Variants in CHRNB4 observed in about 807,000 individuals in gnomAD.
The protein encoded by CHRNB4 is neuronal acetylcholine receptor subunit beta-4.
CHRNB4 carries 23 observed loss-of-function variants against 40.4 expected under a neutral mutation model. That is an observed-to-expected ratio of 0.57 (90% CI 0.41 to 0.81). The LOEUF is 0.81. Ranked by LOEUF, CHRNB4 falls within the 30% of genes least tolerant of loss-of-function variation. The pLI is 0.00. For missense variants in CHRNB4, 568 were observed against 670.6 expected (o/e 0.85, Z 1.69); for synonymous variants, 285 against 274.4 (o/e 1.04, Z -0.38).
At chr15:78,643,601 G>T (rs1403597068), upstream of CHRNB4, among the ~76,000 whole-genome samples, 2 of 152,062 alleles carry the variant, frequency 1.3e-5, no homozygotes, top group Non-Finnish European at 2.9e-5. Flanking sequence ...ATTATGAGAT[G>T]CCCAACATCA....
At chr15:78,634,308 G>GGCAGCAGCTGCACC (rs1435467375) in intron 2 of CHRNB4, among the ~76,000 whole-genome samples, 1 of 152,184 alleles carries the variant, frequency 6.6e-6, no homozygotes, top group African/African-American at 2.4e-5. Flanking sequence ...CCCTCACTAG[G>GGCAGCAGCTGCACC]GCAGCAGCTG....
At chr15:78,644,936 T>G (rs1391201815), upstream of CHRNB4, among the ~76,000 whole-genome samples, 1 of 152,168 alleles carries the variant, frequency 6.6e-6, no homozygotes, top group Non-Finnish European at 1.5e-5. Context: ...CTCAGTGTAT[T>G]CATCATGCCT....
chr15:78,661,431 G>C, upstream of CHRNB4: 2 of 516,972 alleles, frequency 3.9e-6, no homozygotes, highest in Non-Finnish European at 7.5e-6. Context: ...GCAACAGAGT[G>C]ACCGGTTGGT....
intron 6 of CHRNB4, among the ~76,000 whole-genome samples, chr15:78,651,398 C>T (rs2054170379): frequency 6.6e-6 from 1 of 152,192 alleles, no homozygotes; most frequent in Admixed American, 6.5e-5. Flanking sequence ...GCTCTTCTCC[C>T]CGACTGCTGA....
intron 5 of CHRNB4, among the ~76,000 whole-genome samples, chr15:78,655,371 A>C (rs2141411402): frequency 6.6e-6 from 1 of 150,550 alleles, no homozygotes; most frequent in Admixed American, 6.6e-5. Flanking sequence ...GCACACCACC[A>C]CACCTGGCTA....
chr15:78,628,065 C>T (rs1307602145), intron 5 of CHRNB4: 1 of 152,116 alleles, frequency 6.6e-6, no homozygotes. Flanking sequence ...ACTTGGGAGG[C>T]TGAGGCAGAA....
Position 78,635,496 on chromosome 15 carries a change from G to A in CHRNB4, c.147C>T (p.Ser49=). ...RYNNLIRPAT[S]SSQLISIKLQ... ...GCTTGATGGAGATGAGCTGTGAGGA[G>A]CTGGTGGCTGGGCGGATCAGGTTAT... is the stretch of plus-strand genomic sequence containing the variant. The change falls in exon 2 of 6, where the codon AGC becomes AGT. Residue 49 remains serine (S), a synonymous_variant. Coordinates refer to ENST00000261751, the MANE Select transcript of CHRNB4 (RefSeq NM_000750.5). 1 of 1,614,216 alleles carries A rather than the reference G, an allele frequency of 6.2e-7. No homozygotes were observed. Among genetic ancestry groups the A allele is most frequent in the African/African-American group, 1.3e-5 (1 of 75,064 alleles).
chr15:78,661,055 C>T (rs16969996), upstream of CHRNB4: 1,556 of 589,986 alleles, frequency 2.6e-3, 52 homozygotes, highest in East Asian at 0.058. Context: ...TTTTTGTAGT[C>T]TCGGCTGGCC....
At chr15:78,638,842 G>A (rs1215215571) in intron 1 of CHRNB4, among the ~76,000 whole-genome samples, 1 of 152,232 alleles carries the variant, frequency 6.6e-6, no homozygotes, top group East Asian at 1.9e-4. Context: ...CCCAGGATGG[G>A]TGGAAGCTTC....
intron 1 of CHRNB4, among the ~76,000 whole-genome samples, chr15:78,660,232 A>G (rs948320599): frequency 3.9e-5 from 6 of 152,070 alleles, no homozygotes; most frequent in Non-Finnish European, 8.8e-5. Flanking sequence ...GTGAATATAA[A>G]TATGACTACA....
chr15:78,635,963 G>A (rs1034751364), intron 1 of CHRNB4, among the ~76,000 whole-genome samples: 10 of 151,900 alleles, frequency 6.6e-5, no homozygotes, highest in East Asian at 1.9e-4. Flanking sequence ...GCTGGAGTGC[G>A]GTGGTGTGAT....
chr15:78,630,850 C>T, intron 4 of CHRNB4: 1 of 545,270 alleles, frequency 1.8e-6, no homozygotes, highest in Non-Finnish European at 3.3e-6. Flanking sequence ...AGCTCTGCTT[C>T]AGTGAATCAG....
chr15:78,661,365 A>T, upstream of CHRNB4: 1 of 540,204 alleles, frequency 1.9e-6, no homozygotes, highest in Non-Finnish European at 3.6e-6. Context: ...ATGGTCCCCA[A>T]GACCACGGCC....
Position 78,631,321 on chromosome 15 carries a change from C to T in CHRNB4, c.216G>A (p.Glu72=). Residue 72 remains glutamate, a synonymous_variant, in exon 3 of 6, where the codon GAG becomes GAA. Transcript: ENST00000261751. The stretch of plus-strand genomic sequence containing the variant: ...GCCAGACATTGGTGGTCATGATCTG[C>T]TCTCGCTCATTCTGGGGAGGGAAAC... ...LAQLISVNER[E]QIMTTNVWLK... The T allele has an allele frequency of 1.2e-6, 2 of 1,613,994 alleles. No individual in the cohort carries two copies. Among genetic ancestry groups the T allele is most frequent in the Non-Finnish European group, 1.7e-6 (2 of 1,179,994 alleles).
chr15:78,645,083 G>A (rs1016984222), upstream of CHRNB4, among the ~76,000 whole-genome samples: 1 of 151,824 alleles, frequency 6.6e-6, no homozygotes, highest in Admixed American at 6.6e-5. Flanking sequence ...ACGCAAACCA[G>A]CCAATCCGAA....
chr15:78,644,111 G>A (rs1218765064), upstream of CHRNB4, among the ~76,000 whole-genome samples: 9 of 151,480 alleles, frequency 5.9e-5, no homozygotes, highest in Non-Finnish European at 1.2e-4. Flanking sequence ...TGCAGTGAGC[G>A]GAGATTGCAC....
Position 78,647,662 on chromosome 15 carries a change from T to C in CHRNB4, c.46+1717A>G, listed in dbSNP as rs371157257. ...GAGATCGAGACCATCCTGGCTAACA[T>C]GGTGAAACCCCGTCTCTACTAAAAA... On this transcript the variant is annotated intron_variant and NMD_transcript_variant, in intron 7 of 11. Coordinates refer to the CHRNB4 transcript ENST00000559849. 6.4e-3 allele frequency among the ~76,000 whole-genome samples: 834 copies of C among 130,448 alleles called. 8 individuals are homozygous for C. The highest frequency in any genetic ancestry group is 0.017 in the African/African-American group (589 of 33,914). 85.6% of individuals were successfully genotyped at this position (130,448 alleles called of 152,430 possible). A position where few individuals can be genotyped will look rare whatever the true frequency, so the allele number is the denominator to read the frequency against.
intron 1 of CHRNB4, among the ~76,000 whole-genome samples, chr15:78,635,962 C>T (rs530214428): frequency 1.0e-3 from 157 of 152,154 alleles, no homozygotes; most frequent in African/African-American, 3.5e-3. Flanking sequence ...GGCTGGAGTG[C>T]GGTGGTGTGA....
Position 78,624,982 on chromosome 15 carries a change from C to G in CHRNB4, c.*151G>C. On this transcript the variant is annotated 3_prime_UTR_variant, in exon 6 of 6. Transcript: ENST00000261751. ...AGAGAGGACAGCCCAGGCCCCCATC[C>G]TTGCCTGTTCCACGGCTGTGGCTGG... The G allele has an allele frequency of 6.3e-7, 1 of 1,576,486 alleles. No homozygotes were observed. The highest frequency in any genetic ancestry group is 8.6e-7 in the Non-Finnish European group (1 of 1,168,958).
Sources: gnomAD v4.1 joint callset for allele counts (sites outside exome capture counted in the v4.1 genomes callset) on GRCh38, gnomAD v4.1.1 for gene constraint, MANE v1.5 for transcripts, NCBI Gene and HGNC (gene_info 2026-07-23, HGNC 2026-07-21) for gene names.